The following TMC7 variants were observed in gnomAD, a reference collection of about 807,000 sequenced individuals.
TMC7 encodes transmembrane channel-like protein 7.
Under a neutral mutation model 82.9 loss-of-function variants are expected in TMC7, and 54 were observed. That is an observed-to-expected ratio of 0.65 (90% confidence interval 0.52 to 0.82). The LOEUF is 0.82. Among genes scored for constraint, TMC7 ranks in the 40% least tolerant of loss-of-function variants. The probability of loss-of-function intolerance (pLI) is 0.00; values close to 1 mark genes in which losing one functional copy is unlikely to be tolerated. For synonymous variants in TMC7, 350 were observed against 337.9 expected (o/e 1.04, Z -0.39); for missense variants, 820 against 901.2 (o/e 0.91, Z 1.15).
chr16:19,010,562 A>G (rs879677697), intron 2 of TMC7, among the ~76,000 whole-genome samples: 1 of 152,192 alleles, frequency 6.6e-6, no homozygotes, highest in Non-Finnish European at 1.5e-5. Flanking sequence ...ATACCCCTAA[A>G]GCCTCATTTT....
At chr16:19,011,284 C>T (rs1959324986) in intron 2 of TMC7, among the ~76,000 whole-genome samples, 1 of 152,048 alleles carries the variant, frequency 6.6e-6, no homozygotes, top group Non-Finnish European at 1.5e-5. Flanking sequence ...GAATTTAAAA[C>T]ATAATTTTCC....
At position 19,005,343 on chromosome 16, in the gene TMC7, C is replaced by T. The variant is rs146216174; in HGVS notation, c.68-3829C>T. Among the ~76,000 whole-genome samples, 1,018 of 152,308 alleles carry T rather than the reference C, an allele frequency of 6.7e-3. 12 individuals are homozygous for T. Among genetic ancestry groups the T allele is most frequent in the African/African-American group, 0.023 (963 of 41,574 alleles). On this transcript the variant is annotated intron_variant, in intron 1 of 15. Transcript: ENST00000304381. Reference sequence around the variant, plus strand: ...GACCTCGTGATCCACTCGCCTCGGCCTCCCAAAGTGCTGGGATTACAGGCG... The same window carrying T: ...GACCTCGTGATCCACTCGCCTCGGCTTCCCAAAGTGCTGGGATTACAGGCG...
chr16:19,056,588 A>G lies in TMC7; in HGVS notation c.1918A>G (p.Thr640Ala), dbSNP rs868740660. The change falls in exon 14 of 16, where the codon ACC becomes GCC. Residue 640 changes from threonine (T) to alanine (A), a missense_variant. Physicochemically the swap from Thr to Ala is moderately conservative, Grantham distance 58 (BLOSUM62 0). Around this residue, in one of 2 missense-constraint regions of TMC7, gnomAD observed 170 missense variants for 231.3 expected, o/e 0.74. Coordinates refer to ENST00000304381, the MANE Select transcript of TMC7 (RefSeq NM_024847.4). ...TGGGCCGTTCACCAACTTCAACACC[A>G]CCTGGGAGGTCATCCCCAAGACGGT... is the stretch of plus-strand genomic sequence containing the variant. ...ACGPFTNFNT[T>A]WEVIPKTVST... 2 of 1,613,794 alleles carry G rather than the reference A, an allele frequency of 1.2e-6. No homozygotes were observed. The highest frequency in any genetic ancestry group is 1.3e-5 in the African/African-American group (1 of 74,908).
At chr16:18,989,847 A>G (rs536797496) in intron 1 of TMC7, among the ~76,000 whole-genome samples, 4 of 151,536 alleles carry the variant, frequency 2.6e-5, no homozygotes, top group South Asian at 2.1e-4. Context: ...TTTTGAGATG[A>G]TATCTAGCTC....
chr16:18,995,039 G>A (rs924788650), intron 1 of TMC7, among the ~76,000 whole-genome samples: 2 of 152,096 alleles, frequency 1.3e-5, no homozygotes, highest in African/African-American at 2.4e-5. Context: ...GGGAAAAGGC[G>A]GCAATGAGGT....
At chr16:18,987,041 G>A (rs1596707888) in intron 1 of TMC7, among the ~76,000 whole-genome samples, 3 of 152,154 alleles carry the variant, frequency 2.0e-5, no homozygotes, top group African/African-American at 4.8e-5. Flanking sequence ...TCCTGACCTC[G>A]TGATCCGCCC....
chr16:18,989,470 C>T (rs1160185210), intron 1 of TMC7, among the ~76,000 whole-genome samples: 2 of 150,170 alleles, frequency 1.3e-5, no homozygotes, highest in East Asian at 1.9e-4. Context: ...ACTTTTCGGC[C>T]TCTGACCTTT....
At position 19,009,217 on chromosome 16, in the gene TMC7, AC is replaced by A; in HGVS notation, c.114del (p.Phe39SerfsTer29). The A allele has an allele frequency of 1.2e-6, 2 of 1,614,158 alleles. No individual in the cohort carries two copies. ...DSSCFSSPPV[N>X]FLQELPSYRS... ...AGTTGCTTCTCTTCTCCACCTGTGA[AC>A]TTCCTCCAAGAATTGCCAAGCTACC... On this transcript the variant is annotated frameshift_variant, in exon 2 of 16. Coordinates refer to ENST00000304381, the MANE Select transcript of TMC7 (RefSeq NM_024847.4). LOFTEE classifies it high-confidence loss of function.
intron 7 of TMC7, 129 bp downstream of exon 7, chr16:19,035,952 C>G (rs1470813710): frequency 4.8e-6 from 5 of 1,039,932 alleles, no homozygotes; most frequent in East Asian, 2.7e-5. Flanking sequence ...GCAAGTTACC[C>G]CTCTGTAGCT....
At chr16:19,020,288 T>C (rs1341197002) in intron 3 of TMC7, among the ~76,000 whole-genome samples, 1 of 152,142 alleles carries the variant, frequency 6.6e-6, no homozygotes. Flanking sequence ...GAGAAAAAGG[T>C]GCCGATTATC....
Position 19,030,230 on chromosome 16 carries a change from C to T in TMC7, c.718C>T (p.Leu240=), listed in dbSNP as rs756000809. The change falls in exon 6 of 16, where the codon CTG becomes TTG. Residue 240 remains leucine (L), a synonymous_variant. Transcript: ENST00000304381. ...GCTCTTGGCTTCGTTTCAGGGTTTC[C>T]TGGAGGAAACTAGCCTCTTTTACGG... is the stretch of plus-strand genomic sequence containing the variant. ...IIDLLSGTGF[L]EETSLFYGHY... is the part of the protein sequence containing the mutation. 1.9e-6 allele frequency: 3 copies of T among 1,610,212 alleles called. No individual in the cohort carries two copies. In the South Asian group the frequency reaches 3.3e-5, roughly 18 times the overall value.
intron 1 of TMC7, among the ~76,000 whole-genome samples, chr16:19,005,296 A>G (rs2039219534): frequency 6.6e-6 from 1 of 152,026 alleles, no homozygotes. Context: ...TCACCATGTT[A>G]GCAGGATGGT....
chr16:18,997,570 A>G (rs1596720838), intron 1 of TMC7, among the ~76,000 whole-genome samples: 1 of 151,518 alleles, frequency 6.6e-6, no homozygotes. Flanking sequence ...GGGTTTCGCC[A>G]TGTTGGCCAG....
intron 5 of TMC7, among the ~76,000 whole-genome samples, chr16:19,029,439 G>C (rs1366899992): frequency 6.6e-6 from 1 of 152,142 alleles, no homozygotes; most frequent in South Asian, 2.1e-4. Context: ...ACAGGGTCTT[G>C]CTCTGTTACC....
At chr16:19,049,573 T>C in intron 12 of TMC7, 1 of 959,710 alleles carries the variant, frequency 1.0e-6, no homozygotes, top group Non-Finnish European at 1.2e-6. Context: ...GAGATGGACG[T>C]GAGAAAGCTC....
At chr16:19,002,639 T>C (rs559660747) in intron 1 of TMC7, among the ~76,000 whole-genome samples, 1 of 152,238 alleles carries the variant, frequency 6.6e-6, no homozygotes, top group South Asian at 2.1e-4. Context: ...TGGCTATGCC[T>C]GGCCCTGCTC....
intron 14 of TMC7, among the ~76,000 whole-genome samples, chr16:19,057,183 C>T (rs1233420574): frequency 6.6e-6 from 1 of 152,084 alleles, no homozygotes; most frequent in Non-Finnish European, 1.5e-5. Context: ...ATAATAGTCA[C>T]TCTTTCAGAG....
At chr16:19,002,618 G>T (rs974334366) in intron 1 of TMC7, among the ~76,000 whole-genome samples, 1 of 152,140 alleles carries the variant, frequency 6.6e-6, no homozygotes, top group African/African-American at 2.4e-5. Context: ...AATAGTATAT[G>T]GCAGAAAAAT....
At chr16:19,014,793 G>A (rs1411000537) in intron 2 of TMC7, among the ~76,000 whole-genome samples, 2 of 152,136 alleles carry the variant, frequency 1.3e-5, no homozygotes, top group Admixed American at 6.6e-5. Flanking sequence ...GGGCCGTGTA[G>A]TCTCTGTTGC....
Sources: gnomAD v4.1 joint callset for allele counts (sites outside exome capture counted in the v4.1 genomes callset) on GRCh38, gnomAD v4.1.1 for gene constraint, gnomAD v4.1.1 regional missense constraint, MANE v1.5 for transcripts, NCBI Gene and HGNC (gene_info 2026-07-23, HGNC 2026-07-21) for gene names.